Variants in MVB12B observed in about 807,000 individuals in gnomAD.
MVB12B encodes ESCRT-I complex subunit MVB12B.
In MVB12B, 16 loss-of-function variants were observed where a neutral mutation model predicts 41.6. The observed-to-expected ratio is 0.38, with a 90% CI of 0.26 to 0.58. MVB12B has a LOEUF of 0.58. Among genes scored for constraint, MVB12B ranks in the 20% least tolerant of loss-of-function variants. The pLI is 0.62. For missense variants in MVB12B, 274 were observed against 380.2 expected (o/e 0.72, Z 2.32); for synonymous variants, 133 against 139.7 (o/e 0.95, Z 0.34).
rs141969127 is a variant in MVB12B, at chr9:126,418,809, C to T, written c.663-3045C>T. 4.1e-4 allele frequency among the ~76,000 whole-genome samples: 63 copies of T among 152,280 alleles called. No homozygotes were observed. In the East Asian group the frequency reaches 0.012, roughly 29 times the overall value. On this transcript the variant is annotated intron_variant, in intron 6 of 9. Coordinates refer to ENST00000361171, the MANE Select transcript of MVB12B (RefSeq NM_033446.3). ...TTCTGCCTATCTTCAGTTCCCACCT[C>T]AATGTACCTTCCTCCAGGAAGCCTT... is the stretch of plus-strand genomic sequence containing the variant.
chr9:126,356,847 T>C (rs1464064191), intron 2 of MVB12B, among the ~76,000 whole-genome samples: 2 of 152,026 alleles, frequency 1.3e-5, no homozygotes, highest in Non-Finnish European at 2.9e-5. Context: ...GTCACATGCC[T>C]GCTCCCACTT....
Position 126,503,321 on chromosome 9 carries a change from C to T in MVB12B, c.*58C>T, listed in dbSNP as rs1834002242. 4.2e-6 allele frequency: 6 copies of T among 1,412,380 alleles called. No homozygotes were observed. Among genetic ancestry groups the T allele is most frequent in the Non-Finnish European group, 5.8e-6 (6 of 1,028,310 alleles). 87.5% of individuals were successfully genotyped at this position (1,412,380 alleles called of 1,614,324 possible). A position where few individuals can be genotyped will look rare whatever the true frequency, so the allele number is the denominator to read the frequency against. On this transcript the variant is annotated 3_prime_UTR_variant, in exon 10 of 10. Transcript: ENST00000361171. ...CCGCCCAGACTACTGACGGCAGGGG[C>T]TGCTGCCCCCGCCTCCTCCTGCCGC... is the stretch of plus-strand genomic sequence containing the variant.
chr9:126,403,326 C>T (rs1181654691), intron 6 of MVB12B, among the ~76,000 whole-genome samples: 5 of 152,186 alleles, frequency 3.3e-5, no homozygotes, highest in Non-Finnish European at 7.3e-5. Context: ...TGTACCAGCC[C>T]CTTCCCTCCT....
At chr9:126,476,687 T>C (rs1010252772) in intron 7 of MVB12B, among the ~76,000 whole-genome samples, 30 of 151,958 alleles carry the variant, frequency 2.0e-4, no homozygotes, top group Admixed American at 5.9e-4. Flanking sequence ...CCATCCTGGC[T>C]AACACGGTGA....
intron 7 of MVB12B, among the ~76,000 whole-genome samples, chr9:126,424,893 G>A (rs773278785): frequency 3.9e-5 from 6 of 152,314 alleles, no homozygotes; most frequent in South Asian, 4.1e-4. Context: ...GATAAGCACC[G>A]CCACTTCTCA....
chr9:126,338,326 C>T (rs1322636104), intron 1 of MVB12B, among the ~76,000 whole-genome samples: 1 of 152,228 alleles, frequency 6.6e-6, no homozygotes, highest in Non-Finnish European at 1.5e-5. Flanking sequence ...CCTGGGCCGC[C>T]ACAGGGCATT....
chr9:126,496,519 G>C (rs188501474), intron 9 of MVB12B, among the ~76,000 whole-genome samples: 4 of 148,174 alleles, frequency 2.7e-5, no homozygotes, highest in Non-Finnish European at 5.9e-5. Flanking sequence ...CTGGGCTCTG[G>C]AGCTACAGCT....
At chr9:126,422,259 C>T (rs551172900) in intron 7 of MVB12B, among the ~76,000 whole-genome samples, 155 of 152,320 alleles carry the variant, frequency 1.0e-3, no homozygotes, top group African/African-American at 3.6e-3. Flanking sequence ...GGCAGGCTTC[C>T]CACGGGGCCT....
At chr9:126,499,088 CTT>C (rs777092981) in intron 9 of MVB12B, among the ~76,000 whole-genome samples, 13 of 152,222 alleles carry the variant, frequency 8.5e-5, no homozygotes, top group Non-Finnish European at 1.5e-4. Flanking sequence ...ATTGCCCCCT[CTT>C]TGCCTCGAAG....
chr9:126,421,426 C>T (rs2119089462), intron 6 of MVB12B, among the ~76,000 whole-genome samples: 1 of 152,368 alleles, frequency 6.6e-6, no homozygotes, highest in East Asian at 1.9e-4. Context: ...TGATCCTCAG[C>T]AGCCCTGCGG....
At chr9:126,338,158 C>T (rs1398610694) in intron 1 of MVB12B, among the ~76,000 whole-genome samples, 1 of 152,348 alleles carries the variant, frequency 6.6e-6, no homozygotes, top group Admixed American at 6.5e-5. Context: ...TTCACAAAGG[C>T]CGCCTCCGTC....
chr9:126,407,596 C>G (rs1831482462), intron 6 of MVB12B, among the ~76,000 whole-genome samples: 1 of 152,138 alleles, frequency 6.6e-6, no homozygotes, highest in South Asian at 2.1e-4. Flanking sequence ...GCAGTGCCCC[C>G]ACACTGACAG....
chr9:126,364,081 A>C (rs141125020), intron 2 of MVB12B, among the ~76,000 whole-genome samples: 1 of 152,116 alleles, frequency 6.6e-6, no homozygotes, highest in Admixed American at 6.5e-5. Flanking sequence ...TATTGAATTG[A>C]ATTAGCTGGC....
rs201914311 is a variant in MVB12B at position 126,455,184 on chromosome 9, TTTA to T, written c.758-26182_758-26180del. On this transcript the variant is annotated intron_variant, in intron 7 of 9. Transcript: ENST00000361171. The stretch of plus-strand genomic sequence containing the variant: ...TATTTTATTTTATTTTATTTTTTAT[TTTA>T]TTTTATTTTATTTTATTTTAGATGG... 4.5e-3 allele frequency among the ~76,000 whole-genome samples: 683 copies of T among 151,810 alleles called. 4 individuals are homozygous for T. Among genetic ancestry groups the T allele is most frequent in the African/African-American group, 0.016 (661 of 41,388 alleles).
chr9:126,371,185 G>C (rs879334603), intron 2 of MVB12B, among the ~76,000 whole-genome samples: 1 of 152,196 alleles, frequency 6.6e-6, no homozygotes, highest in African/African-American at 2.4e-5. Context: ...CCGACCAGCC[G>C]CAAGGCAACC....
At position 126,335,140 on chromosome 9, in the gene MVB12B, AG is replaced by A. The variant is rs530732576; in HGVS notation, c.82-5367del. ...GAGAGCTTAGAAAAATATTTGCCTT[AG>A]TTGCCCAACAACTTAGCAGCCCTCC... is the stretch of plus-strand genomic sequence containing the variant. On this transcript the variant is annotated intron_variant, in intron 1 of 9. Coordinates refer to ENST00000361171, the MANE Select transcript of MVB12B (RefSeq NM_033446.3). 2.8e-4 allele frequency: 237 copies of A among 853,652 alleles called. No homozygotes were observed. In the African/African-American group the frequency reaches 3.7e-3, roughly 13 times the overall value. 52.9% of individuals were successfully genotyped at this position (853,652 alleles called of 1,614,324 possible). A position where few individuals can be genotyped will look rare whatever the true frequency, so the allele number is the denominator to read the frequency against.
chr9:126,483,963 G>A lies in MVB12B; in HGVS notation c.814-10G>A, dbSNP rs376929504. Reference sequence around the variant, plus strand: ...GCTATTTAAAAGGGCAACTTCATCTGTGTTTTCAGATGCAGCCCTTTGATC... The same window carrying A: ...GCTATTTAAAAGGGCAACTTCATCTATGTTTTCAGATGCAGCCCTTTGATC... On this transcript the variant is annotated splice_polypyrimidine_tract_variant and intron_variant, in intron 8 of 9. Transcript: ENST00000361171. 141 of 1,614,046 alleles carry A rather than the reference G, an allele frequency of 8.7e-5. No homozygotes were observed. In the African/African-American group the frequency reaches 1.5e-3, roughly 17 times the overall value.
chr9:126,359,728 G>A (rs1165846444), intron 2 of MVB12B, among the ~76,000 whole-genome samples: 1 of 152,146 alleles, frequency 6.6e-6, no homozygotes, highest in East Asian at 1.9e-4. Flanking sequence ...AAGATCTGGA[G>A]AATGTACTCT....
intron 2 of MVB12B, among the ~76,000 whole-genome samples, chr9:126,359,008 G>A (rs1323829372): frequency 6.6e-6 from 1 of 151,598 alleles, no homozygotes; most frequent in African/African-American, 2.4e-5. Context: ...TTCATCACAT[G>A]CTTTATCTGC....
Sources: allele counts gnomAD v4.1 joint callset (sites outside exome capture counted in the v4.1 genomes callset), GRCh38; gene constraint gnomAD v4.1.1; transcripts MANE v1.5; gene names NCBI Gene and HGNC (gene_info 2026-07-23, HGNC 2026-07-21).